XKR4: variants seen among roughly 807,000 people sequenced by gnomAD.
XKR4 encodes XK related 4.
A neutral mutation model predicts 53.9 loss-of-function variants in XKR4; 12 were observed. The ratio of observed to expected loss-of-function variants is 0.22; its 90% CI spans 0.14 to 0.36. The LOEUF (loss-of-function observed/expected upper bound fraction) is 0.36, where lower values mean the gene tolerates loss of function less well. Among genes scored for constraint, XKR4 ranks in the 10% least tolerant of loss-of-function variants. The probability of loss-of-function intolerance (pLI) is 1.00; values close to 1 mark genes in which losing one functional copy is unlikely to be tolerated. For synonymous variants in XKR4, 354 were observed against 362.4 expected (o/e 0.98, Z 0.26); for missense variants, 799 against 859.5 (o/e 0.93, Z 0.88).
intron 1 of XKR4, among the ~76,000 whole-genome samples, chr8:55,258,215 G>A (rs534894170): frequency 9.2e-5 from 14 of 152,338 alleles, no homozygotes; most frequent in South Asian, 6.2e-4. Flanking sequence ...GTGTCTTCCC[G>A]AGGGAAAGCG....
chr8:55,466,599 A>C (rs1057406639), intron 2 of XKR4, among the ~76,000 whole-genome samples: 1 of 149,456 alleles, frequency 6.7e-6, no homozygotes, highest in Non-Finnish European at 1.5e-5. Context: ...ACAAACCTGC[A>C]CATTGTGCAC....
At chr8:55,362,601 A>G (rs1374706006) in intron 2 of XKR4, among the ~76,000 whole-genome samples, 1 of 152,208 alleles carries the variant, frequency 6.6e-6, no homozygotes, top group African/African-American at 2.4e-5. Context: ...TCAGACCTCC[A>G]TGTCTGTCTA....
chr8:55,520,948 C>T lies in XKR4; in HGVS notation c.1007-2333C>T, dbSNP rs188134948. On this transcript the variant is annotated intron_variant, in intron 2 of 2. Coordinates refer to ENST00000327381, the MANE Select transcript of XKR4 (RefSeq NM_052898.2). ...AAGTTTTCTTACTATTTTTTCACTG[C>T]TTTGGAAAGCAGCCTTAAGTAACGT... 2.0e-5 allele frequency: 3 copies of T among 152,352 alleles called. No individual in the cohort carries two copies. In the East Asian group the frequency reaches 5.8e-4, roughly 29 times the overall value. The allele number at this position is 152,352 out of a possible 1,614,324, so 9.4% of individuals were successfully genotyped here.
intron 1 of XKR4, among the ~76,000 whole-genome samples, chr8:55,337,811 C>T (rs1209919798): frequency 6.6e-6 from 1 of 152,196 alleles, no homozygotes; most frequent in African/African-American, 2.4e-5. Context: ...AGCTCTGAAT[C>T]CTGTGGTCCT....
rs1189833019 is a variant in XKR4, at chr8:55,175,542, C to A, written c.806+72248C>A. Among the ~76,000 whole-genome samples the A allele has an allele frequency of 9.2e-5, 14 of 152,240 alleles. No homozygotes were observed. The East Asian group carries it at 2.5e-3, about 27-fold the overall frequency. On this transcript the variant is annotated intron_variant, in intron 1 of 2. Coordinates refer to ENST00000327381, the MANE Select transcript of XKR4 (RefSeq NM_052898.2). ...CTTGGTCATTCAGTGACTGAAGAAACCTTATTTAGGCACTTTACTACATGT... is the reference window on the plus strand; with the variant it reads ...CTTGGTCATTCAGTGACTGAAGAAAACTTATTTAGGCACTTTACTACATGT...
At chr8:55,183,715 G>A (rs1817342777) in intron 1 of XKR4, among the ~76,000 whole-genome samples, 2 of 152,076 alleles carry the variant, frequency 1.3e-5, no homozygotes, top group Non-Finnish European at 2.9e-5. Context: ...TGCTGCTATT[G>A]GGTGGAATGA....
chr8:55,354,829 A>G (rs745991327), intron 1 of XKR4, among the ~76,000 whole-genome samples: 7 of 152,272 alleles, frequency 4.6e-5, no homozygotes, highest in Admixed American at 1.3e-4. Context: ...AGAATTAGAA[A>G]AATTCATAAA....
At chr8:55,392,718 G>A (rs1804460224) in intron 2 of XKR4, among the ~76,000 whole-genome samples, 1 of 152,168 alleles carries the variant, frequency 6.6e-6, no homozygotes, top group South Asian at 2.1e-4. Flanking sequence ...TTGAGCCTAA[G>A]AAGCAGAGGT....
intron 2 of XKR4, among the ~76,000 whole-genome samples, chr8:55,519,071 A>T (rs1428960241): frequency 1.3e-5 from 2 of 152,224 alleles, no homozygotes; most frequent in East Asian, 3.8e-4. Flanking sequence ...TTGGAGAAGG[A>T]CAATTTTCAC....
intron 1 of XKR4, among the ~76,000 whole-genome samples, chr8:55,213,890 A>G (rs1393138219): frequency 2.1e-5 from 2 of 94,906 alleles, no homozygotes; most frequent in Non-Finnish European, 3.7e-5. Flanking sequence ...TTTTGAGACG[A>G]GTCTCCTGTT....
intron 1 of XKR4, among the ~76,000 whole-genome samples, chr8:55,310,815 G>A (rs934090196): frequency 1.1e-4 from 16 of 152,178 alleles, no homozygotes; most frequent in African/African-American, 3.6e-4. Context: ...GGTTTATTCC[G>A]GAATGCTCAG....
intron 1 of XKR4, among the ~76,000 whole-genome samples, chr8:55,210,596 G>T (rs16921407): frequency 6.6e-6 from 1 of 152,164 alleles, no homozygotes; most frequent in Non-Finnish European, 1.5e-5. Flanking sequence ...TTGTTTTTCC[G>T]TATTGTTGAG....
chr8:55,153,949 C>A (rs1383447), intron 1 of XKR4, among the ~76,000 whole-genome samples: 54,483 of 151,716 alleles, frequency 0.36, 11,025 homozygotes, highest in African/African-American at 0.57. Context: ...AATTTTGATG[C>A]GATGTATTCC....
At chr8:55,335,923 T>C (rs1119277) in intron 1 of XKR4, among the ~76,000 whole-genome samples, 30,056 of 151,502 alleles carry the variant, frequency 0.2, 3,071 homozygotes, top group African/African-American at 0.23. Flanking sequence ...GTGTTGGTGG[T>C]GGTTAGAACC....
chr8:55,341,008 A>G (rs1803536788), intron 1 of XKR4, among the ~76,000 whole-genome samples: 1 of 152,302 alleles, frequency 6.6e-6, no homozygotes, highest in African/African-American at 2.4e-5. Context: ...GGGGTGTTTG[A>G]GCATGGAACT....
At chr8:55,346,761 T>G (rs1286423163) in intron 1 of XKR4, among the ~76,000 whole-genome samples, 1 of 150,036 alleles carries the variant, frequency 6.7e-6, no homozygotes, top group South Asian at 2.1e-4. Flanking sequence ...CAGAAGAAAA[T>G]ATCACTTGCT....
At position 55,266,551 on chromosome 8, in the gene XKR4, C is replaced by T. The variant is rs144228513; in HGVS notation, c.807-91127C>T. Among the ~76,000 whole-genome samples the T allele has an allele frequency of 2.4e-3, 362 of 152,092 alleles. 3 individuals carry two copies. Among genetic ancestry groups the T allele is most frequent in the African/African-American group, 8.3e-3 (344 of 41,462 alleles). On this transcript the variant is annotated intron_variant, in intron 1 of 2. Coordinates refer to ENST00000327381, the MANE Select transcript of XKR4 (RefSeq NM_052898.2). ...AAAGAAGATAGAAACTCAATATACT[C>T]GTGGAAAAGTTGAAGACTAGTCAGT...
chr8:55,148,592 G>A (rs1054197538), intron 1 of XKR4, among the ~76,000 whole-genome samples: 2 of 151,970 alleles, frequency 1.3e-5, no homozygotes, highest in African/African-American at 4.8e-5. Context: ...CAGAGCATGA[G>A]GTATTTAAAT....
At chr8:55,253,100 C>T (rs1818383080) in intron 1 of XKR4, among the ~76,000 whole-genome samples, 1 of 152,146 alleles carries the variant, frequency 6.6e-6, no homozygotes, top group South Asian at 2.1e-4. Flanking sequence ...ATTTTACCTG[C>T]TTTGTTGAAG....
Sources: allele counts gnomAD v4.1 joint callset (sites outside exome capture counted in the v4.1 genomes callset), GRCh38; gene constraint gnomAD v4.1.1; transcripts MANE v1.5; gene names NCBI Gene and HGNC (gene_info 2026-07-23, HGNC 2026-07-21).